The following TMEM132B variants were observed in gnomAD, a reference collection of about 807,000 sequenced individuals.
The protein encoded by TMEM132B is transmembrane protein 132B.
Under a neutral mutation model 90.8 loss-of-function variants are expected in TMEM132B, and 18 were observed. The ratio of observed to expected loss-of-function variants is 0.20; its 90% CI spans 0.14 to 0.29. The LOEUF (loss-of-function observed/expected upper bound fraction) is 0.29, where lower values mean the gene tolerates loss of function less well. Ranked by LOEUF, TMEM132B falls within the 10% of genes least tolerant of loss-of-function variation. TMEM132B has a pLI of 1.00. For synonymous variants in TMEM132B, 504 were observed against 523.3 expected (o/e 0.96, Z 0.50); for missense variants, 1,096 against 1,326.8 (o/e 0.83, Z 2.70).
chr12:125,204,205 T>C (rs1368011015), intron 1 of TMEM132B, among the ~76,000 whole-genome samples: 1 of 151,716 alleles, frequency 6.6e-6, no homozygotes, highest in Non-Finnish European at 1.5e-5. Flanking sequence ...TAGCTCTTTA[T>C]GTGGAGTATC....
chr12:125,586,705 C>T (rs140985747), intron 5 of TMEM132B: 11 of 152,260 alleles, frequency 7.2e-5, no homozygotes, highest in East Asian at 5.8e-4. Context: ...TAGACTGTCG[C>T]GGTATCACAG....
intron 1 of TMEM132B, among the ~76,000 whole-genome samples, chr12:125,276,874 G>A (rs143187035): frequency 6.6e-6 from 1 of 152,312 alleles, no homozygotes; most frequent in African/African-American, 2.4e-5. Context: ...CTGTTGAAAG[G>A]TAGGCAGGGA....
intron 4 of TMEM132B, among the ~76,000 whole-genome samples, chr12:125,537,835 C>T (rs1258884552): frequency 6.6e-6 from 1 of 152,182 alleles, no homozygotes; most frequent in Non-Finnish European, 1.5e-5. Flanking sequence ...CACTTATTGG[C>T]TGTGGGACCT....
intron 3 of TMEM132B, among the ~76,000 whole-genome samples, chr12:125,420,879 C>G (rs754824002): frequency 1.1e-4 from 17 of 152,186 alleles, no homozygotes; most frequent in Non-Finnish European, 2.2e-4. Context: ...TTAGAAATTT[C>G]TTCTGCCAGA....
At chr12:125,263,710 G>A (rs571796809) in intron 1 of TMEM132B, among the ~76,000 whole-genome samples, 3 of 152,300 alleles carry the variant, frequency 2.0e-5, no homozygotes, top group South Asian at 2.1e-4. Flanking sequence ...TCTCCAAACC[G>A]GAAGTCAGAT....
chr12:125,593,679 T>C (rs1252172536), intron 5 of TMEM132B, among the ~76,000 whole-genome samples: 2 of 152,228 alleles, frequency 1.3e-5, no homozygotes, highest in African/African-American at 4.8e-5. Flanking sequence ...GTTTGGGTAC[T>C]TGGTTCACAA....
intron 1 of TMEM132B, among the ~76,000 whole-genome samples, chr12:125,254,055 C>T (rs562347323): frequency 6.6e-5 from 10 of 152,096 alleles, no homozygotes; most frequent in South Asian, 6.3e-4. Flanking sequence ...TTTGGGAGGC[C>T]GAGGCGGGAG....
chr12:125,278,890 A>G (rs1875079646), intron 1 of TMEM132B, among the ~76,000 whole-genome samples: 1 of 152,118 alleles, frequency 6.6e-6, no homozygotes. Flanking sequence ...TCCCTCTCTG[A>G]AGACCCTCTA....
chr12:125,582,322 C>G (rs1228115703), intron 4 of TMEM132B, among the ~76,000 whole-genome samples: 2 of 150,534 alleles, frequency 1.3e-5, no homozygotes, highest in Non-Finnish European at 3.0e-5. Flanking sequence ...AAGGTTGACT[C>G]CATCTCTTAC....
intron 1 of TMEM132B, among the ~76,000 whole-genome samples, chr12:125,229,366 C>T (rs1277147227): frequency 1.3e-5 from 2 of 152,210 alleles, no homozygotes; most frequent in African/African-American, 4.8e-5. Context: ...GTGATTCAGT[C>T]AGTGCGGTGA....
At chr12:125,484,157 C>G (rs1882136313) in intron 3 of TMEM132B, among the ~76,000 whole-genome samples, 1 of 152,142 alleles carries the variant, frequency 6.6e-6, no homozygotes, top group Non-Finnish European at 1.5e-5. Context: ...GCCTTGGCCC[C>G]CCGAAGTGCT....
At chr12:125,231,531 T>C (rs1320728733) in intron 1 of TMEM132B, among the ~76,000 whole-genome samples, 1 of 152,180 alleles carries the variant, frequency 6.6e-6, no homozygotes, top group Non-Finnish European at 1.5e-5. Flanking sequence ...AGAAGCGATG[T>C]GAATAATCTG....
rs545656823 is a variant in TMEM132B at position 125,272,147 on chromosome 12, A to T, written c.68-77305A>T. Among the ~76,000 whole-genome samples the T allele has an allele frequency of 7.2e-5, 11 of 152,370 alleles. No homozygotes were observed. In the East Asian group the frequency reaches 1.9e-3, roughly 27 times the overall value. ...TCTTTATGAGAAGGATTACAGGAGA[A>T]TTAAGAAAGGAATAGCCTTCTAATG... On this transcript the variant is annotated intron_variant, in intron 1 of 8. Transcript: ENST00000682704.
At chr12:125,572,161 C>A (rs1437194591) in intron 4 of TMEM132B, among the ~76,000 whole-genome samples, 2 of 152,182 alleles carry the variant, frequency 1.3e-5, no homozygotes, top group African/African-American at 2.4e-5. Flanking sequence ...TCAGGACATA[C>A]AATGCATATT....
chr12:125,324,662 C>T (rs778296000), intron 1 of TMEM132B, among the ~76,000 whole-genome samples: 1 of 152,156 alleles, frequency 6.6e-6, no homozygotes, highest in Non-Finnish European at 1.5e-5. Context: ...ACTGTGCATG[C>T]GAGGGACCTA....
chr12:125,435,988 C>G (rs924749970), intron 3 of TMEM132B, among the ~76,000 whole-genome samples: 1 of 152,084 alleles, frequency 6.6e-6, no homozygotes, highest in East Asian at 1.9e-4. Context: ...CAGGGAGGTC[C>G]TCTGCTTCCC....
At chr12:125,360,639 C>T (rs1452425951) in intron 2 of TMEM132B, among the ~76,000 whole-genome samples, 2 of 152,050 alleles carry the variant, frequency 1.3e-5, no homozygotes, top group African/African-American at 4.8e-5. Flanking sequence ...GCTTAAGTAC[C>T]TGAGGAAGTG....
intron 1 of TMEM132B, among the ~76,000 whole-genome samples, chr12:125,236,827 A>G (rs529615864): frequency 6.6e-6 from 1 of 152,168 alleles, no homozygotes; most frequent in South Asian, 2.1e-4. Context: ...CCTTTTCCGT[A>G]TTTTCATGGT....
intron 4 of TMEM132B, among the ~76,000 whole-genome samples, chr12:125,530,980 GC>G (rs1326188231): frequency 1.3e-5 from 2 of 152,184 alleles, no homozygotes; most frequent in Non-Finnish European, 2.9e-5. Context: ...ATCCGGGGCA[GC>G]CCAGTCACTG....
Sources: allele counts gnomAD v4.1 joint callset (sites outside exome capture counted in the v4.1 genomes callset), GRCh38; gene constraint gnomAD v4.1.1; transcripts MANE v1.5; gene names NCBI Gene and HGNC (gene_info 2026-07-23, HGNC 2026-07-21).